The following IFT27 variants were observed in gnomAD, a reference collection of about 807,000 sequenced individuals.
IFT27 encodes the protein intraflagellar transport protein 27 homolog.
A neutral mutation model predicts 23.9 loss-of-function variants in IFT27; 19 were observed. The ratio of observed to expected loss-of-function variants is 0.79; its 90% CI spans 0.55 to 1.16. The LOEUF is 1.16. IFT27 is among the 50% of genes most tolerant of loss of function. The pLI is 0.00. For synonymous variants in IFT27, 91 were observed against 89.1 expected, an observed-to-expected ratio of 1.02 and a Z score of -0.12; for missense variants, 206 against 228.7, an observed-to-expected ratio of 0.90 and a Z score of 0.64.
intron 1 of IFT27, among the ~76,000 whole-genome samples, chr22:36,771,047 G>T (rs977374709): frequency 6.6e-6 from 1 of 150,862 alleles, no homozygotes; most frequent in African/African-American, 2.4e-5. Context: ...CCTGTCTTGG[G>T]GTGTGTGTGT....
chr22:36,770,912 T>C lies in IFT27; in HGVS notation c.35-3050A>G, dbSNP rs73884176. On this transcript the variant is annotated intron_variant, in intron 1 of 6. Coordinates refer to ENST00000433985, the MANE Select transcript of IFT27 (RefSeq NM_001177701.3). ...GGAGCTTCCTGTTAGGCTCTGCCAATGGGAGTTCTGGAAGAAGAAGGGAAG... is the reference window on the plus strand; with the variant it reads ...GGAGCTTCCTGTTAGGCTCTGCCAACGGGAGTTCTGGAAGAAGAAGGGAAG... Among the ~76,000 whole-genome samples, 211 of 152,288 alleles carry C rather than the reference T, an allele frequency of 1.4e-3. 1 individual carries two copies. Among genetic ancestry groups the C allele is most frequent in the African/African-American group, 4.9e-3 (202 of 41,568 alleles).
intron 2 of IFT27, 116 bp downstream of exon 2, chr22:36,767,667 G>T: frequency 2.1e-6 from 2 of 974,676 alleles, no homozygotes; most frequent in South Asian, 1.4e-5. Context: ...GTGGCCCTCT[G>T]AGCAGCCTTT....
intron 3 of IFT27, 108 bp from the exon 4 acceptor site, chr22:36,766,305 G>A (rs1478420947): frequency 5.8e-6 from 5 of 861,616 alleles, no homozygotes; most frequent in East Asian, 2.5e-5. Flanking sequence ...TGAAATACAG[G>A]CACCCACATC....
Position 36,764,023 on chromosome 22 carries a change from T to C in IFT27, c.248A>G (p.Asn83Ser), listed in dbSNP as rs754334830. 3 of 1,610,706 alleles carry C rather than the reference T, an allele frequency of 1.9e-6. No homozygotes were observed. The Admixed American group carries it at 5.0e-5, about 27-fold the overall frequency. Residue 83 changes from asparagine (N) to serine (S), a missense_variant, in exon 5 of 7, where the codon AAT (asparagine) becomes AGT (serine). Coordinates refer to ENST00000433985, the MANE Select transcript of IFT27 (RefSeq NM_001177701.3). ...EMLDKLWESP[N>S]VLCLVYDVTN... ...CACATCATAGACGAGACATAAGACA[T>C]TGGGACTCTCCCACTGTGCAAGAGG...
At chr22:36,768,345 G>A (rs1040897219) in intron 1 of IFT27, 1 of 327,606 alleles carries the variant, frequency 3.1e-6, no homozygotes, top group Admixed American at 4.2e-5. Flanking sequence ...GGGTGGAAGG[G>A]TCTCTGCATT....
At position 36,758,223 on chromosome 22, in the gene IFT27, T is replaced by G; in HGVS notation, c.*88A>C. 1 of 1,141,092 alleles carries G rather than the reference T, an allele frequency of 8.8e-7. No individual in the cohort carries two copies. Among genetic ancestry groups the G allele is most frequent in the Admixed American group, 1.8e-5 (1 of 56,660 alleles). The allele number at this position is 1,141,092 out of a possible 1,614,324, so 70.7% of individuals were successfully genotyped here. A position where few individuals can be genotyped will look rare whatever the true frequency, so the allele number is the denominator to read the frequency against. ...GAGCTGCTGCTTCGACATTTTCTCC[T>G]AATTTTATTTAAAGCCATCATTATA... On this transcript the variant is annotated 3_prime_UTR_variant, in exon 7 of 7. Transcript: ENST00000433985.
In IFT27 at chr22:36,767,298, T is replaced by A. The variant is rs1460939159; in HGVS notation, c.174+8A>T. On this transcript the variant is annotated splice_region_variant and intron_variant, in intron 3 of 6. Coordinates refer to ENST00000433985, the MANE Select transcript of IFT27 (RefSeq NM_001177701.3). ...CCCTGAGTTCCCCTGGGTAAAGGCA[T>A]CACTCACCACACTGTCTCCCGTGTC... The A allele has an allele frequency of 6.2e-6, 10 of 1,612,532 alleles. No individual in the cohort carries two copies. Among genetic ancestry groups the A allele is most frequent in the Non-Finnish European group, 8.5e-6 (10 of 1,178,866 alleles).
At position 36,775,802 on chromosome 22, in the gene IFT27, G is replaced by A. The variant is rs1938488021; in HGVS notation, c.-95C>T. The A allele has an allele frequency of 8.0e-7, 1 of 1,254,022 alleles. No individual in the cohort carries two copies. Among genetic ancestry groups the A allele is most frequent in the Non-Finnish European group, 1.2e-6 (1 of 854,860 alleles). 77.7% of individuals were successfully genotyped at this position (1,254,022 alleles called of 1,614,324 possible). On this transcript the variant is annotated 5_prime_UTR_variant, in exon 1 of 7. Transcript: ENST00000433985. ...TTCGGGCCCTGGGCTGGCCTGGGAC[G>A]GGAAGGTGGGGAGGGGAGGGCTGAT...
chr22:36,763,149 C>A, intron 5 of IFT27, 136 bp from the exon 6 acceptor site: 1 of 544,106 alleles, frequency 1.8e-6, no homozygotes, highest in South Asian at 3.9e-5. Context: ...GTGAGCCCCC[C>A]CACAGGGAAA....
intron 5 of IFT27, chr22:36,763,365 C>A: frequency 3.8e-6 from 1 of 266,296 alleles, no homozygotes; most frequent in Non-Finnish European, 7.1e-6. Context: ...AAACTGTAAA[C>A]TGGTCATTAA....
At chr22:36,760,402 A>G (rs931229889) in intron 6 of IFT27, 4 of 152,214 alleles carry the variant, frequency 2.6e-5, no homozygotes, top group Non-Finnish European at 4.4e-5. Context: ...TGAAAATTGA[A>G]CTGTTTTCCA....
intron 1 of IFT27, among the ~76,000 whole-genome samples, chr22:36,769,791 C>T (rs912870321): frequency 2.0e-5 from 3 of 152,184 alleles, no homozygotes; most frequent in African/African-American, 7.2e-5. Context: ...TGACTGCACC[C>T]GCCCTCCCAA....
chr22:36,768,291 G>T, intron 1 of IFT27: 1 of 353,314 alleles, frequency 2.8e-6, no homozygotes, highest in South Asian at 2.1e-5. Flanking sequence ...ACCCAACCTG[G>T]GTTGACAGCT....
rs1290128460 is a variant in IFT27 at position 36,766,183 on chromosome 22, A to G, written c.189T>C (p.Phe63=). The change falls in exon 4 of 7, where the codon TTT becomes TTC. Residue 63 remains phenylalanine, a synonymous_variant. Transcript: ENST00000433985. The part of the protein sequence containing the change: ...DTGDSVELFI[F]DSAGKELFSE... ...AAAACAGCTCCTTGCCAGCAGAGTCAAAAATGAAGAGTTCCTACAATCAGA... is the reference window on the plus strand; with the variant it reads ...AAAACAGCTCCTTGCCAGCAGAGTCGAAAATGAAGAGTTCCTACAATCAGA... The G allele has an allele frequency of 6.2e-7, 1 of 1,614,010 alleles. No individual in the cohort carries two copies. The highest frequency in any genetic ancestry group is 8.5e-7 in the Non-Finnish European group (1 of 1,179,990).
At chr22:36,768,474 C>A (rs952850694) in intron 1 of IFT27, 3 of 199,666 alleles carry the variant, frequency 1.5e-5, no homozygotes, top group African/African-American at 7.0e-5. Flanking sequence ...TTCCCAGGGG[C>A]CTCTCCACCA....
intron 6 of IFT27, chr22:36,759,497 A>C (rs1601490303): frequency 6.6e-6 from 1 of 152,102 alleles, no homozygotes; most frequent in African/African-American, 2.4e-5. Flanking sequence ...GACAGGCTGG[A>C]GGGCAAAGGA....
At chr22:36,768,414 TA>T (rs1052667781) in intron 1 of IFT27, 1 of 276,928 alleles carries the variant, frequency 3.6e-6, no homozygotes, top group Admixed American at 4.8e-5. Flanking sequence ...TTCCAAATGC[TA>T]TGCTCCATCT....
At chr22:36,768,013 G>A in intron 1 of IFT27, 151 bp from the exon 2 acceptor site, 1 of 742,084 alleles carries the variant, frequency 1.3e-6, no homozygotes, top group South Asian at 1.4e-5. Flanking sequence ...GAGGCCGCGG[G>A]CAGGGCACAG....
chr22:36,771,222 C>T (rs555637469), intron 1 of IFT27, among the ~76,000 whole-genome samples: 1 of 152,326 alleles, frequency 6.6e-6, no homozygotes, highest in Non-Finnish European at 1.5e-5. Context: ...TTCCCCAGCC[C>T]AAGAGGTGGT....
Sources: allele counts gnomAD v4.1 joint callset (sites outside exome capture counted in the v4.1 genomes callset), GRCh38; gene constraint gnomAD v4.1.1; transcripts MANE v1.5; gene names NCBI Gene and HGNC (gene_info 2026-07-23, HGNC 2026-07-21).